The following EPS8 variants were observed in gnomAD, a reference collection of about 807,000 sequenced individuals.
The protein encoded by EPS8 is EGFR pathway substrate 8, signaling adaptor.
Under a neutral mutation model 103.8 loss-of-function variants are expected in EPS8, and 42 were observed. That is an observed-to-expected ratio of 0.40 (90% confidence interval 0.32 to 0.52). EPS8 has a LOEUF of 0.52. Ranked by LOEUF, EPS8 falls within the 20% of genes least tolerant of loss-of-function variation. The probability of loss-of-function intolerance (pLI) is 0.40; values close to 1 mark genes in which losing one functional copy is unlikely to be tolerated. For missense variants in EPS8, 969 were observed against 1,005.1 expected (o/e 0.96, Z 0.49); for synonymous variants, 344 against 344.6 (o/e 1.00, Z 0.02).
chr12:15,751,620 T>C lies in EPS8; in HGVS notation c.-22+37541A>G, dbSNP rs1034041038. On this transcript the variant is annotated intron_variant, in intron 1 of 20. Coordinates refer to ENST00000281172, the MANE Select transcript of EPS8 (RefSeq NM_004447.6). This position sits in a 1 kb window ranked among gnomAD's most constrained non-coding sequence, Gnocchi z 4.3. ...GTTTCAGACACTAGGGACATAGCAGTAAAAAAAGGGGGCAAGATTTTTTGC... is the reference window on the plus strand; with the variant it reads ...GTTTCAGACACTAGGGACATAGCAGCAAAAAAAGGGGGCAAGATTTTTTGC... Among the ~76,000 whole-genome samples the C allele has an allele frequency of 1.3e-5, 2 of 151,936 alleles. No homozygotes were observed. The highest frequency in any genetic ancestry group is 2.9e-5 in the Non-Finnish European group (2 of 67,986).
chr12:15,700,104 G>T lies in EPS8; in HGVS notation c.-21-17132C>A, dbSNP rs1170768036. Reference sequence around the variant, plus strand: ...CAGGAGGCGGAAGTTGCAGTGAGCTGAGATCATGCCTCTGCACTGCAGCCT... The same window carrying T: ...CAGGAGGCGGAAGTTGCAGTGAGCTTAGATCATGCCTCTGCACTGCAGCCT... On this transcript the variant is annotated intron_variant, in intron 1 of 20. Transcript: ENST00000281172. The surrounding 1 kb of genome is among the most constrained non-coding windows in gnomAD (Gnocchi z 5.1). Among the ~76,000 whole-genome samples the T allele has an allele frequency of 6.6e-6, 1 of 152,196 alleles. No individual in the cohort carries two copies.
At chr12:15,773,309 T>G (rs1157151976) in intron 1 of EPS8, among the ~76,000 whole-genome samples, 2 of 152,200 alleles carry the variant, frequency 1.3e-5, no homozygotes, top group African/African-American at 4.8e-5. Context: ...CTAATGTTAT[T>G]AATTGTGATT....
At chr12:15,658,786 A>G (rs1343043604) in intron 10 of EPS8, among the ~76,000 whole-genome samples, 2 of 152,192 alleles carry the variant, frequency 1.3e-5, no homozygotes, top group Non-Finnish European at 2.9e-5. Flanking sequence ...ATCCTTAGGC[A>G]CTACAAATTA....
intron 1 of EPS8, among the ~76,000 whole-genome samples, chr12:15,773,284 T>C (rs1037264372): frequency 2.6e-5 from 4 of 152,190 alleles, no homozygotes; most frequent in African/African-American, 9.7e-5. Context: ...AGGCCTGAAT[T>C]ATTAAAATTA....
At chr12:15,782,318 T>A (rs574455912) in intron 1 of EPS8, among the ~76,000 whole-genome samples, 2 of 152,024 alleles carry the variant, frequency 1.3e-5, no homozygotes, top group Non-Finnish European at 2.9e-5. Flanking sequence ...CACAGAGAGA[T>A]CCTGTCTCTG....
At chr12:15,703,787 T>C (rs924137889) in intron 1 of EPS8, among the ~76,000 whole-genome samples, 2 of 150,640 alleles carry the variant, frequency 1.3e-5, no homozygotes, top group Non-Finnish European at 3.0e-5. Context: ...TTGAGATAAT[T>C]GTATCTGTCT....
At position 15,716,302 on chromosome 12, in the gene EPS8, A is replaced by G. The variant is rs978893298; in HGVS notation, c.-21-33330T>C. On this transcript the variant is annotated intron_variant, in intron 1 of 20. Coordinates refer to ENST00000281172, the MANE Select transcript of EPS8 (RefSeq NM_004447.6). The surrounding 1 kb of genome is among the most constrained non-coding windows in gnomAD (Gnocchi z 5.0). The stretch of plus-strand genomic sequence containing the variant: ...CTGCTGTTAAACAAAATTCTGATAT[A>G]CCTTTGGCTCCTGAATTATCTATCA... Among the ~76,000 whole-genome samples, 9 of 152,148 alleles carry G rather than the reference A, an allele frequency of 5.9e-5. No homozygotes were observed. Among genetic ancestry groups the G allele is most frequent in the African/African-American group, 2.2e-4 (9 of 41,430 alleles).
At chr12:15,639,443 CCTT>C (rs1945191375) in intron 17 of EPS8, among the ~76,000 whole-genome samples, 1 of 152,152 alleles carries the variant, frequency 6.6e-6, no homozygotes, top group Admixed American at 6.5e-5. Context: ...AACTCAAACT[CCTT>C]CTTTGGCATC....
At chr12:15,730,682 T>G (rs551895962) in intron 1 of EPS8, among the ~76,000 whole-genome samples, 1 of 152,306 alleles carries the variant, frequency 6.6e-6, no homozygotes, top group African/African-American at 2.4e-5. Context: ...TGCTTCCTGT[T>G]TTCCTTTTAA....
chr12:15,732,526 A>C (rs767167284), intron 1 of EPS8, among the ~76,000 whole-genome samples: 8 of 152,218 alleles, frequency 5.3e-5, no homozygotes, highest in African/African-American at 1.9e-4. Context: ...ATGCATGCCC[A>C]AAACTAAACA....
intron 1 of EPS8, among the ~76,000 whole-genome samples, chr12:15,753,814 T>C (rs1946957746): frequency 6.6e-6 from 1 of 152,258 alleles, no homozygotes; most frequent in Non-Finnish European, 1.5e-5. Context: ...TTTTATTAAT[T>C]TGATACTTTC....
chr12:15,787,787 A>G lies in EPS8; in HGVS notation c.-22+1374T>C, dbSNP rs1483305297. ...CATTCTACCTTACCCTTTATGTGAC[A>G]ATTCTATACTGTTTTAACTGTCAAA... On this transcript the variant is annotated intron_variant, in intron 1 of 20. Coordinates refer to ENST00000281172, the MANE Select transcript of EPS8 (RefSeq NM_004447.6). This position sits in a 1 kb window ranked among gnomAD's most constrained non-coding sequence, Gnocchi z 4.9. 6.6e-6 allele frequency among the ~76,000 whole-genome samples: 1 copy of G among 152,210 alleles called. No homozygotes were observed. The highest frequency in any genetic ancestry group is 1.5e-5 in the Non-Finnish European group (1 of 68,036).
At chr12:15,640,587 A>T (rs773633567) in intron 17 of EPS8, 116 bp downstream of exon 17, 292 of 875,508 alleles carry the variant, frequency 3.3e-4, no homozygotes, top group Non-Finnish European at 4.2e-4. Flanking sequence ...TCTAGAAAAA[A>T]TATATAACCA....
intron 1 of EPS8, among the ~76,000 whole-genome samples, chr12:15,746,937 G>T (rs2136013736): frequency 6.6e-6 from 1 of 152,210 alleles, no homozygotes; most frequent in African/African-American, 2.4e-5. Flanking sequence ...CTTATAAAAT[G>T]AACTCACCCT....
chr12:15,661,944 A>T, intron 9 of EPS8, 82 bp downstream of exon 9: 1 of 1,015,822 alleles, frequency 9.8e-7, no homozygotes, highest in Non-Finnish European at 1.5e-6. Flanking sequence ...ATCTCTATTT[A>T]AATCAGCTTC....
Position 15,776,678 on chromosome 12 carries a change from C to T in EPS8, c.-22+12483G>A, listed in dbSNP as rs575165156. ...ATATACACTTAAATAATATATTGTT[C>T]CTTACAGCATATAATCAAAGTTCCC... On this transcript the variant is annotated intron_variant, in intron 1 of 20. Coordinates refer to ENST00000281172, the MANE Select transcript of EPS8 (RefSeq NM_004447.6). This position sits in a 1 kb window ranked among gnomAD's most constrained non-coding sequence, Gnocchi z 4.2. Among the ~76,000 whole-genome samples the T allele has an allele frequency of 9.9e-5, 15 of 152,200 alleles. No homozygotes were observed. Among genetic ancestry groups the T allele is most frequent in the South Asian group, 8.3e-4 (4 of 4,806 alleles).
At chr12:15,730,753 C>T (rs1034099394) in intron 1 of EPS8, among the ~76,000 whole-genome samples, 1 of 152,094 alleles carries the variant, frequency 6.6e-6, no homozygotes, top group East Asian at 1.9e-4. Flanking sequence ...AGTTTCTAAC[C>T]GCTGCTCATC....
chr12:15,625,192 T>C (rs1944925201), intron 18 of EPS8, among the ~76,000 whole-genome samples: 1 of 152,212 alleles, frequency 6.6e-6, no homozygotes, highest in Admixed American at 6.5e-5. Flanking sequence ...TTTCCCCATA[T>C]GTTCTGCCTG....
At chr12:15,766,033 C>T (rs1449608974) in intron 1 of EPS8, among the ~76,000 whole-genome samples, 1 of 150,376 alleles carries the variant, frequency 6.6e-6, no homozygotes, top group Non-Finnish European at 1.5e-5. Context: ...TCAGGCTGGT[C>T]TCAAACTCCT....
Sources: gnomAD v4.1 joint callset for allele counts (sites outside exome capture counted in the v4.1 genomes callset) on GRCh38, gnomAD v4.1.1 for gene constraint, Gnocchi (gnomAD v3.1) non-coding constraint, MANE v1.5 for transcripts, NCBI Gene and HGNC (gene_info 2026-07-23, HGNC 2026-07-21) for gene names.